The following PRELID2 variants were observed in gnomAD, a reference collection of about 807,000 sequenced individuals.
PRELID2 encodes PRELI domain containing 2, also known as PRELI domain-containing protein 2.
A neutral mutation model predicts 28.4 loss-of-function variants in PRELID2; 25 were observed. The observed-to-expected ratio is 0.88, with a 90% CI of 0.64 to 1.23. PRELID2 has a LOEUF of 1.23. Among genes scored for constraint, PRELID2 ranks in the 50% most tolerant of loss-of-function variants. PRELID2 has a pLI of 0.00. For synonymous variants in PRELID2, 76 were observed against 71.6 expected, an observed-to-expected ratio of 1.06 and a Z score of -0.31; for missense variants, 201 against 214.4, an observed-to-expected ratio of 0.94 and a Z score of 0.39.
intron 1 of PRELID2, among the ~76,000 whole-genome samples, chr5:145,476,922 A>G (rs1055361168): frequency 6.6e-6 from 1 of 152,250 alleles, no homozygotes; most frequent in Non-Finnish European, 1.5e-5. Context: ...AACATTGAAT[A>G]AAATGAGCAA....
At chr5:145,241,925 T>A in the PRELID2 span, among the ~76,000 whole-genome samples, 2 of 151,778 alleles carry the variant, frequency 1.3e-5, no homozygotes, top group East Asian at 1.9e-4. Flanking sequence ...AGAGAACTAT[T>A]CAAAAGAAAT....
intron 1 of PRELID2, among the ~76,000 whole-genome samples, chr5:145,749,371 C>A (rs1321193927): frequency 6.6e-6 from 1 of 152,194 alleles, no homozygotes; most frequent in Non-Finnish European, 1.5e-5. Flanking sequence ...AAAAGCTCAT[C>A]ATCACTGATT....
chr5:145,428,133 A>G, the PRELID2 span, among the ~76,000 whole-genome samples: 5 of 151,892 alleles, frequency 3.3e-5, no homozygotes, highest in African/African-American at 1.2e-4. Flanking sequence ...TAATTTTCAT[A>G]TGTTTACTAG....
chr5:145,800,656 G>A (rs1753075700), intron 4 of PRELID2, among the ~76,000 whole-genome samples: 1 of 152,150 alleles, frequency 6.6e-6, no homozygotes, highest in South Asian at 2.1e-4. Context: ...TTTGGGAGAA[G>A]TAAGTCCTCA....
At chr5:145,422,225 G>T in the PRELID2 span, among the ~76,000 whole-genome samples, 75 of 149,306 alleles carry the variant, frequency 5.0e-4, no homozygotes, top group African/African-American at 1.8e-3. Context: ...TTGGGGTGGA[G>T]AGCTCTGTAG....
chr5:145,511,499 C>A (rs865795560), intron 1 of PRELID2, among the ~76,000 whole-genome samples: 1 of 152,212 alleles, frequency 6.6e-6, no homozygotes. Context: ...GAATACCCAA[C>A]AGACAGTGAA....
At chr5:145,692,991 C>G (rs371283092) in intron 1 of PRELID2, among the ~76,000 whole-genome samples, 1 of 152,120 alleles carries the variant, frequency 6.6e-6, no homozygotes, top group South Asian at 2.1e-4. Context: ...AGAGAAAATA[C>G]AGGTGTACGT....
the PRELID2 span, among the ~76,000 whole-genome samples, chr5:145,252,384 A>G: frequency 6.6e-6 from 1 of 152,152 alleles, no homozygotes; most frequent in African/African-American, 2.4e-5. Flanking sequence ...CTCAAATGCC[A>G]GCTCTGCCTC....
chr5:145,347,654 G>A, the PRELID2 span, among the ~76,000 whole-genome samples: 7 of 152,048 alleles, frequency 4.6e-5, no homozygotes, highest in East Asian at 1.4e-3. Flanking sequence ...AGGTGGTTGA[G>A]GGTTCATTCT....
At chr5:145,652,180 T>A (rs10055564) in intron 1 of PRELID2, among the ~76,000 whole-genome samples, 1 of 151,936 alleles carries the variant, frequency 6.6e-6, no homozygotes, top group Non-Finnish European at 1.5e-5. Context: ...TGAATGAAAT[T>A]AAGCAAGAAG....
At chr5:145,442,532 C>A in the PRELID2 span, among the ~76,000 whole-genome samples, 1 of 152,140 alleles carries the variant, frequency 6.6e-6, no homozygotes, top group East Asian at 1.9e-4. Flanking sequence ...CAAGGGGTGT[C>A]ACCGCCTTTT....
At chr5:145,666,811 G>A (rs1007803448) in intron 1 of PRELID2, among the ~76,000 whole-genome samples, 2 of 152,034 alleles carry the variant, frequency 1.3e-5, no homozygotes, top group Non-Finnish European at 2.9e-5. Context: ...AAATTTATGT[G>A]TTGTACTGTG....
At chr5:145,685,410 CCA>C (rs1755016238) in intron 1 of PRELID2, among the ~76,000 whole-genome samples, 1 of 152,116 alleles carries the variant, frequency 6.6e-6, no homozygotes, top group Admixed American at 6.6e-5. Context: ...TCTCTAGAGC[CCA>C]GTTTCTACCC....
At chr5:145,424,026 G>A in the PRELID2 span, among the ~76,000 whole-genome samples, 4,549 of 150,742 alleles carry the variant, frequency 0.03, 99 homozygotes, top group Non-Finnish European at 0.042. Context: ...CTGCTGGGGG[G>A]TGCCTCCCAG....
chr5:145,264,506 G>A, the PRELID2 span, among the ~76,000 whole-genome samples: 1 of 151,940 alleles, frequency 6.6e-6, no homozygotes, highest in African/African-American at 2.4e-5. Context: ...CGTAATAAAA[G>A]CCAACTATGA....
At chr5:145,735,257 A>AT (rs559228398) in intron 1 of PRELID2, among the ~76,000 whole-genome samples, 645 of 152,148 alleles carry the variant, frequency 4.2e-3, no homozygotes, top group Middle Eastern at 0.034. Flanking sequence ...AAAAAAAAAA[A>AT]AAAAGCTACA....
intron 1 of PRELID2, among the ~76,000 whole-genome samples, chr5:145,701,182 G>A (rs1040816762): frequency 1.3e-5 from 2 of 152,206 alleles, no homozygotes; most frequent in African/African-American, 4.8e-5. Flanking sequence ...GAGGAACAAA[G>A]AGATTATTTA....
chr5:145,255,053 C>T, the PRELID2 span, among the ~76,000 whole-genome samples: 6 of 152,180 alleles, frequency 3.9e-5, no homozygotes, highest in African/African-American at 1.4e-4. Context: ...CCCTGCCACC[C>T]CTCACACACT....
chr5:145,625,196 T>G (rs1389579361), intron 1 of PRELID2, among the ~76,000 whole-genome samples: 1 of 152,158 alleles, frequency 6.6e-6, no homozygotes, highest in African/African-American at 2.4e-5. Flanking sequence ...CATATTTTTA[T>G]AGTCTATGAA....
Sources: gnomAD v4.1 joint callset for allele counts (sites outside exome capture counted in the v4.1 genomes callset) on GRCh38, gnomAD v4.1.1 for gene constraint, MANE v1.5 for transcripts, NCBI Gene and HGNC (gene_info 2026-07-23, HGNC 2026-07-21) for gene names.